HS6ST3: variants seen among roughly 807,000 people sequenced by gnomAD.
HS6ST3 encodes heparan sulfate 6-O-sulfotransferase 3, also known as heparan-sulfate 6-O-sulfotransferase 3.
A neutral mutation model predicts 36.7 loss-of-function variants in HS6ST3; 12 were observed. The observed-to-expected ratio is 0.33, with a 90% confidence interval of 0.21 to 0.53. The LOEUF (loss-of-function observed/expected upper bound fraction) is 0.53. Ranked by LOEUF, HS6ST3 falls within the 20% of genes least tolerant of loss-of-function variation. The pLI, the probability that HS6ST3 is intolerant of heterozygous loss-of-function variation, is 0.95. For synonymous variants in HS6ST3, 240 were observed against 257.5 expected (o/e 0.93, Z 0.65); for missense variants, 584 against 640.9 (o/e 0.91, Z 0.96).
chr13:96,288,042 T>G (rs968727927), intron 1 of HS6ST3, among the ~76,000 whole-genome samples: 1 of 152,114 alleles, frequency 6.6e-6, no homozygotes, highest in African/African-American at 2.4e-5. Flanking sequence ...TCAACTTCAT[T>G]TGGGAACTTG....
chr13:96,783,590 T>C (rs117338102), intron 1 of HS6ST3, among the ~76,000 whole-genome samples: 7,143 of 151,776 alleles, frequency 0.047, 242 homozygotes, highest in Middle Eastern at 0.071. Context: ...TTTTCTGCCT[T>C]ATGTAAGGAG....
intron 1 of HS6ST3, among the ~76,000 whole-genome samples, chr13:96,472,866 G>A (rs1203671621): frequency 2.0e-5 from 3 of 152,132 alleles, no homozygotes; most frequent in Non-Finnish European, 4.4e-5. Context: ...GGAAACTTAT[G>A]AATTATTTAT....
chr13:96,836,785 A>G lies in HS6ST3; in HGVS notation c.*3587A>G, dbSNP rs937859563. 1 of 152,228 alleles carries G rather than the reference A, an allele frequency of 6.6e-6. No individual in the cohort carries two copies. The highest frequency in any genetic ancestry group is 1.5e-5 in the Non-Finnish European group (1 of 68,044). 9.4% of individuals were successfully genotyped at this position (152,228 alleles called of 1,614,324 possible). ...AGCTGTTTTAACACAGAAATTCAAA[A>G]TAGTGACTTAACATGGAAGCTATTT... On this transcript the variant is annotated 3_prime_UTR_variant, in exon 2 of 2. Transcript: ENST00000376705.
At chr13:96,223,659 G>GT in intron 1 of HS6ST3, among the ~76,000 whole-genome samples, 1 of 152,076 alleles carries the variant, frequency 6.6e-6, no homozygotes, top group South Asian at 2.1e-4. Flanking sequence ...GATATGGGGG[G>GT]GGGGAAGTTT....
intron 1 of HS6ST3, among the ~76,000 whole-genome samples, chr13:96,749,344 A>G (rs1375137263): frequency 1.3e-5 from 2 of 152,182 alleles, no homozygotes; most frequent in Non-Finnish European, 2.9e-5. Flanking sequence ...ATGTATCATT[A>G]TGTATTTAAT....
intron 1 of HS6ST3, among the ~76,000 whole-genome samples, chr13:96,285,330 A>G (rs1390702009): frequency 6.6e-6 from 1 of 152,192 alleles, no homozygotes; most frequent in Non-Finnish European, 1.5e-5. Context: ...TTTAACTTCC[A>G]GAGAGACTAA....
chr13:96,417,657 T>A (rs79593071), intron 1 of HS6ST3, among the ~76,000 whole-genome samples: 2,423 of 147,082 alleles, frequency 0.016, 90 homozygotes, highest in African/African-American at 0.058. Flanking sequence ...TACATGTATA[T>A]ATGTAAATAA....
intron 1 of HS6ST3, among the ~76,000 whole-genome samples, chr13:96,753,013 T>C (rs1414903125): frequency 7.9e-5 from 12 of 152,168 alleles, no homozygotes; most frequent in Admixed American, 7.9e-4. Context: ...CTAGAGCATG[T>C]TTTTGAAGAG....
At chr13:96,441,332 A>G (rs1287394882) in intron 1 of HS6ST3, among the ~76,000 whole-genome samples, 1 of 152,050 alleles carries the variant, frequency 6.6e-6, no homozygotes, top group Non-Finnish European at 1.5e-5. Flanking sequence ...CATCAAGAAA[A>G]TGAATGGCAG....
At chr13:96,603,696 A>G (rs570514728) in intron 1 of HS6ST3, among the ~76,000 whole-genome samples, 2 of 152,320 alleles carry the variant, frequency 1.3e-5, no homozygotes, top group South Asian at 2.1e-4. Context: ...TGCTCTATAT[A>G]GAAGAGAATA....
intron 1 of HS6ST3, among the ~76,000 whole-genome samples, chr13:96,128,868 C>T (rs1376508216): frequency 4.9e-5 from 7 of 143,198 alleles, no homozygotes; most frequent in Non-Finnish European, 8.9e-5. Context: ...TTTTTTTTGG[C>T]GGAGTTTTGC....
intron 1 of HS6ST3, among the ~76,000 whole-genome samples, chr13:96,706,413 T>TTTTATATATATATATATATATATATA (rs5805987): frequency 8.3e-6 from 1 of 121,058 alleles, no homozygotes; most frequent in African/African-American, 3.5e-5. Context: ...AGAATATATT[T>TTTTATATATATATATATATATATATA]TATATATATA....
intron 1 of HS6ST3, among the ~76,000 whole-genome samples, chr13:96,547,663 A>G (rs1293269557): frequency 6.6e-6 from 1 of 152,156 alleles, no homozygotes; most frequent in South Asian, 2.1e-4. Context: ...CTCTTTGTAT[A>G]GTGTCACTGC....
chr13:96,452,421 A>G lies in HS6ST3; in HGVS notation c.707+360852A>G, dbSNP rs201191976. Reference sequence around the variant, plus strand: ...ATTGACAAAAATCCATTGACATGAAATAATTTAGCTTACTTTTAATATTTT... The same window carrying G: ...ATTGACAAAAATCCATTGACATGAAGTAATTTAGCTTACTTTTAATATTTT... On this transcript the variant is annotated intron_variant, in intron 1 of 1. Transcript: ENST00000376705. 2.0e-5 allele frequency among the ~76,000 whole-genome samples: 3 copies of G among 152,212 alleles called. No homozygotes were observed. The East Asian group carries it at 5.8e-4, about 29-fold the overall frequency.
At chr13:96,494,925 A>G (rs1236887613) in intron 1 of HS6ST3, among the ~76,000 whole-genome samples, 1 of 152,184 alleles carries the variant, frequency 6.6e-6, no homozygotes, top group Non-Finnish European at 1.5e-5. Context: ...TATGAAGAAT[A>G]CTTGGAAATG....
intron 1 of HS6ST3, among the ~76,000 whole-genome samples, chr13:96,330,395 C>A (rs1458984994): frequency 6.1e-5 from 9 of 147,872 alleles, no homozygotes; most frequent in African/African-American, 2.2e-4. Context: ...CAAAATCTCT[C>A]AGCATTTGCT....
rs1347621949 is a variant in HS6ST3 at position 96,546,770 on chromosome 13, C to T, written c.708-285720C>T. Among the ~76,000 whole-genome samples the T allele has an allele frequency of 6.6e-5, 10 of 152,022 alleles. No homozygotes were observed. The East Asian group carries it at 1.9e-3, about 29-fold the overall frequency. Reference sequence around the variant, plus strand: ...GGATAGATTTCATTCTTATGGTGCCCCAGGTGAATCTCACATTTGCATATT... The same window carrying T: ...GGATAGATTTCATTCTTATGGTGCCTCAGGTGAATCTCACATTTGCATATT... On this transcript the variant is annotated intron_variant, in intron 1 of 1. Coordinates refer to ENST00000376705, the MANE Select transcript of HS6ST3 (RefSeq NM_153456.4).
At chr13:96,512,872 C>T (rs1387899426) in intron 1 of HS6ST3, among the ~76,000 whole-genome samples, 1 of 150,408 alleles carries the variant, frequency 6.6e-6, no homozygotes, top group African/African-American at 2.4e-5. Flanking sequence ...GATCTTTAAC[C>T]TCTCATTTTT....
chr13:96,529,157 G>A (rs1283286996), intron 1 of HS6ST3, among the ~76,000 whole-genome samples: 1 of 152,124 alleles, frequency 6.6e-6, no homozygotes, highest in Non-Finnish European at 1.5e-5. Context: ...AGGAGTCCTT[G>A]AAGCCAAATT....
Sources: allele counts gnomAD v4.1 joint callset (sites outside exome capture counted in the v4.1 genomes callset), GRCh38; gene constraint gnomAD v4.1.1; transcripts MANE v1.5; gene names NCBI Gene and HGNC (gene_info 2026-07-23, HGNC 2026-07-21).